Variants in WDR7 observed in about 807,000 individuals in gnomAD.
The protein encoded by WDR7 is WD repeat-containing protein 7.
In WDR7, 46 loss-of-function variants were observed where a neutral mutation model predicts 169.4. The observed-to-expected ratio is 0.27, with a 90% CI of 0.21 to 0.35. WDR7 has a LOEUF of 0.35. Ranked by LOEUF, WDR7 falls within the 10% of genes least tolerant of loss-of-function variation. The pLI is 1.00. For synonymous variants in WDR7, 612 were observed against 666.8 expected, an observed-to-expected ratio of 0.92 and a Z score of 1.27; for missense variants, 1,534 against 1,859.3, an observed-to-expected ratio of 0.83 and a Z score of 3.22.
At chr18:57,000,507 G>C (rs2047961025) in intron 26 of WDR7, among the ~76,000 whole-genome samples, 2 of 151,992 alleles carry the variant, frequency 1.3e-5, no homozygotes, top group African/African-American at 4.8e-5. Context: ...TTTCTAATGG[G>C]CCATAATCAT....
At chr18:56,656,362 C>T (rs1016961071) in intron 1 of WDR7, among the ~76,000 whole-genome samples, 1 of 151,338 alleles carries the variant, frequency 6.6e-6, no homozygotes. Context: ...TCAGTGCAAC[C>T]TCCGCCTCCC....
intron 20 of WDR7, among the ~76,000 whole-genome samples, chr18:56,818,223 C>T (rs1340412017): frequency 1.3e-5 from 2 of 152,216 alleles, no homozygotes; most frequent in Non-Finnish European, 2.9e-5. Flanking sequence ...TAGAATAACT[C>T]AATTTGCATT....
intron 20 of WDR7, among the ~76,000 whole-genome samples, chr18:56,845,376 A>G (rs1282361122): frequency 6.6e-6 from 1 of 152,098 alleles, no homozygotes; most frequent in Non-Finnish European, 1.5e-5. Context: ...AATAAGATCT[A>G]TGTAAATGTA....
intron 16 of WDR7, among the ~76,000 whole-genome samples, chr18:56,773,593 C>T (rs973256182): frequency 3.9e-5 from 6 of 151,936 alleles, no homozygotes; most frequent in Non-Finnish European, 8.8e-5. Context: ...TTATACATAA[C>T]CAAACAGGTT....
At chr18:56,839,201 T>C (rs764447962) in intron 20 of WDR7, among the ~76,000 whole-genome samples, 57 of 152,142 alleles carry the variant, frequency 3.7e-4, no homozygotes, top group Non-Finnish European at 4.9e-4. Context: ...CTGTATACAA[T>C]GTATAGTTAT....
At chr18:57,018,050 C>G (rs186661966) in intron 26 of WDR7, among the ~76,000 whole-genome samples, 36 of 152,324 alleles carry the variant, frequency 2.4e-4, no homozygotes, top group African/African-American at 7.5e-4. Context: ...GTGAATGTGT[C>G]CACTGGGTTG....
intron 3 of WDR7, among the ~76,000 whole-genome samples, chr18:56,680,867 G>C (rs1158111021): frequency 6.6e-6 from 1 of 152,204 alleles, no homozygotes; most frequent in Non-Finnish European, 1.5e-5. Context: ...TAAATTAGAA[G>C]TTTATTTCTT....
At chr18:56,706,843 A>G in intron 12 of WDR7, among the ~76,000 whole-genome samples, 1 of 151,570 alleles carries the variant, frequency 6.6e-6, no homozygotes, top group East Asian at 1.9e-4. Flanking sequence ...GAATTCCACC[A>G]CACCCAGCTA....
intron 21 of WDR7, among the ~76,000 whole-genome samples, chr18:56,906,204 A>G (rs1347817202): frequency 6.6e-6 from 1 of 152,232 alleles, no homozygotes; most frequent in Middle Eastern, 3.2e-3. Flanking sequence ...CAAAGGCTAG[A>G]AAACACTTTA....
At chr18:56,959,242 G>A (rs2047301323) in intron 25 of WDR7, among the ~76,000 whole-genome samples, 1 of 152,056 alleles carries the variant, frequency 6.6e-6, no homozygotes, top group African/African-American at 2.4e-5. Flanking sequence ...GAAAGTGCAA[G>A]GAGATCACTG....
At chr18:56,652,951 A>G (rs148567150) in intron 1 of WDR7, among the ~76,000 whole-genome samples, 2 of 152,268 alleles carry the variant, frequency 1.3e-5, no homozygotes, top group East Asian at 1.9e-4. Context: ...TCTTTGATAT[A>G]TGTTCCGTTT....
intron 12 of WDR7, among the ~76,000 whole-genome samples, chr18:56,712,428 C>A (rs986204269): frequency 2.0e-5 from 3 of 152,190 alleles, no homozygotes; most frequent in Non-Finnish European, 4.4e-5. Flanking sequence ...CTTTATTTGG[C>A]TTAGGATGAT....
chr18:56,847,886 A>T lies in WDR7; in HGVS notation c.3304+31742A>T, dbSNP rs575156560. ...CCCTAGATTTCAGAGGATGTATTGG[A>T]AACTCTGGGAGCCCAGGCAGAAGCC... On this transcript the variant is annotated intron_variant, in intron 20 of 27. Coordinates refer to ENST00000254442, the MANE Select transcript of WDR7 (RefSeq NM_015285.3). Among the ~76,000 whole-genome samples the T allele has an allele frequency of 7.2e-5, 11 of 152,230 alleles. No homozygotes were observed. In the South Asian group the frequency reaches 2.3e-3, roughly 31 times the overall value.
At position 56,975,788 on chromosome 18, in the gene WDR7, G is replaced by A. The variant is rs371713024; in HGVS notation, c.4164+13259G>A. Among the ~76,000 whole-genome samples the A allele has an allele frequency of 3.9e-5, 6 of 152,272 alleles. No individual in the cohort carries two copies. In the East Asian group the frequency reaches 9.6e-4, roughly 24 times the overall value. ...CCGGAGGGCACATGCTGTATGGAGA[G>A]GAATCAGATGTGCCTCAGATCCCAT... is the stretch of plus-strand genomic sequence containing the variant. On this transcript the variant is annotated intron_variant, in intron 26 of 27. Coordinates refer to ENST00000254442, the MANE Select transcript of WDR7 (RefSeq NM_015285.3).
At chr18:57,007,511 T>G (rs1406692581) in intron 26 of WDR7, among the ~76,000 whole-genome samples, 1 of 152,122 alleles carries the variant, frequency 6.6e-6, no homozygotes, top group African/African-American at 2.4e-5. Context: ...ATTGCAGAAA[T>G]TTGACTTTTT....
At chr18:56,898,235 A>G (rs768226797) in intron 21 of WDR7, among the ~76,000 whole-genome samples, 3 of 152,092 alleles carry the variant, frequency 2.0e-5, no homozygotes, top group Non-Finnish European at 4.4e-5. Context: ...AGAATAAAAT[A>G]CCCATGAAGC....
intron 25 of WDR7, among the ~76,000 whole-genome samples, chr18:56,943,606 C>A (rs115322030): frequency 0.015 from 2,244 of 152,010 alleles, 16 homozygotes; most frequent in African/African-American, 0.026. Context: ...AAAATGTATA[C>A]AAAATATTAG....
At chr18:56,963,570 C>T (rs1025042349) in intron 26 of WDR7, among the ~76,000 whole-genome samples, 2 of 152,128 alleles carry the variant, frequency 1.3e-5, no homozygotes, top group Admixed American at 1.3e-4. Context: ...TGTTAAACAG[C>T]TTTCTTTGTT....
intron 3 of WDR7, among the ~76,000 whole-genome samples, chr18:56,679,911 C>T (rs2025320158): frequency 6.6e-6 from 1 of 152,126 alleles, no homozygotes; most frequent in Admixed American, 6.5e-5. Context: ...TTTAGAGAGG[C>T]AGGTCATTGA....
Sources: allele counts gnomAD v4.1 joint callset (sites outside exome capture counted in the v4.1 genomes callset), GRCh38; gene constraint gnomAD v4.1.1; transcripts MANE v1.5; gene names NCBI Gene and HGNC (gene_info 2026-07-23, HGNC 2026-07-21).